The following TBL1X variants were observed in gnomAD, a reference collection of about 807,000 sequenced individuals.
The protein encoded by TBL1X is transducin beta like 1 X-linked, also known as F-box-like/WD repeat-containing protein TBL1X.
TBL1X carries 10 observed loss-of-function variants against 50.7 expected under a neutral mutation model. The observed-to-expected ratio is 0.20, with a 90% confidence interval of 0.12 to 0.33. The LOEUF (loss-of-function observed/expected upper bound fraction) is 0.33. Among genes scored for constraint, TBL1X ranks in the 10% least tolerant of loss-of-function variants. The pLI, the probability that TBL1X is intolerant of heterozygous loss-of-function variation, is 1.00. For synonymous variants in TBL1X, 190 were observed against 214.7 expected (o/e 0.88, Z 1.01); for missense variants, 340 against 504.4 (o/e 0.67, Z 3.12).
chrX:9,565,497 A>G (rs1288406279), intron 2 of TBL1X, among the ~76,000 whole-genome samples: 11 of 111,071 alleles, frequency 9.9e-5, no homozygotes, highest in African/African-American at 3.6e-4. Flanking sequence ...TCTAAACTTG[A>G]TGTATTGATT....
intron 2 of TBL1X, among the ~76,000 whole-genome samples, chrX:9,613,048 AAAAG>A (rs1369168183): frequency 1.8e-5 from 2 of 111,488 alleles, no homozygotes; most frequent in Non-Finnish European, 3.8e-5. Context: ...CCAAAAAAAA[AAAAG>A]AAAATCAAGT....
At chrX:9,693,037 C>G in intron 9 of TBL1X, 112 bp from the exon 10 acceptor site, 1 of 713,258 alleles carries the variant, frequency 1.4e-6, no homozygotes, top group Non-Finnish European at 2.2e-6. Context: ...AAAGAACACG[C>G]AGTGGCAAAT....
intron 1 of TBL1X, among the ~76,000 whole-genome samples, chrX:9,480,421 C>T (rs1393763904): frequency 8.9e-6 from 1 of 112,357 alleles, no homozygotes; most frequent in Non-Finnish European, 1.9e-5. Context: ...GTAAAGGGTT[C>T]ATCTTGTAAA....
chrX:9,695,315 A>G (rs764419848), intron 11 of TBL1X, among the ~76,000 whole-genome samples: 1 of 112,384 alleles, frequency 8.9e-6, no homozygotes, highest in East Asian at 2.8e-4. Flanking sequence ...TCAACAAATC[A>G]TTCATTCATA....
chrX:9,672,863 C>T lies in TBL1X; in HGVS notation c.212-11180C>T, dbSNP rs1037079162. Among the ~76,000 whole-genome samples, 4 of 112,744 alleles carry T rather than the reference C, an allele frequency of 3.5e-5. No homozygotes were observed. In the South Asian group the frequency reaches 1.5e-3, roughly 41 times the overall value. ...ATGTCACTCTTTGCCTTAGTCCATT[C>T]GAGCTGCTATGACAAAATACCATAA... On this transcript the variant is annotated intron_variant, in intron 5 of 17. Transcript: ENST00000645353.
At chrX:9,686,527 A>C (rs149425065) in intron 6 of TBL1X, among the ~76,000 whole-genome samples, 1 of 112,043 alleles carries the variant, frequency 8.9e-6, no homozygotes, top group Non-Finnish European at 1.9e-5. Context: ...ATGAGACCCT[A>C]TCTCTACATA....
chrX:9,536,115 C>A (rs1206833870), intron 2 of TBL1X, among the ~76,000 whole-genome samples: 2 of 111,850 alleles, frequency 1.8e-5, no homozygotes, highest in African/African-American at 3.3e-5. Flanking sequence ...CCTGTGATAA[C>A]CTCAGTACAT....
At position 9,541,892 on chromosome X, in the gene TBL1X, T is replaced by C. The variant is rs143030879; in HGVS notation, c.-131+40043T>C. Among the ~76,000 whole-genome samples, 287 of 111,008 alleles carry C rather than the reference T, an allele frequency of 2.6e-3. 2 individuals carry two copies. Among genetic ancestry groups the C allele is most frequent in the African/African-American group, 7.9e-3 (242 of 30,605 alleles). On this transcript the variant is annotated intron_variant, in intron 2 of 17. Coordinates refer to ENST00000645353, the MANE Select transcript of TBL1X (RefSeq NM_005647.4). ...TCACAAACTTCATGGTCTGGGAAAA[T>C]GTGAATTAATTGCCTGATCCACCTT...
chrX:9,696,350 T>C (rs2083131452), intron 11 of TBL1X, among the ~76,000 whole-genome samples: 1 of 112,574 alleles, frequency 8.9e-6, no homozygotes, highest in African/African-American at 3.2e-5. Flanking sequence ...CCTCTGAAAA[T>C]GTCTACAGTC....
At chrX:9,618,264 C>A (rs1265901554) in intron 2 of TBL1X, among the ~76,000 whole-genome samples, 2 of 111,753 alleles carry the variant, frequency 1.8e-5, no homozygotes, top group African/African-American at 6.5e-5. Flanking sequence ...TCAGGCCATG[C>A]CTCCTGGAAT....
chrX:9,464,680 G>A (rs1185911895), upstream of TBL1X, among the ~76,000 whole-genome samples: 2 of 111,671 alleles, frequency 1.8e-5, no homozygotes, highest in East Asian at 5.8e-4. Flanking sequence ...GCTGGGTTTG[G>A]GATGTGATGG....
rs771404927 is a variant in TBL1X, at chrX:9,688,080, G to A, written c.421G>A (p.Asp141Asn). The A allele has an allele frequency of 1.4e-5, 17 of 1,211,581 alleles. No individual in the cohort carries two copies. Among genetic ancestry groups the A allele is most frequent in the East Asian group, 3.0e-5 (1 of 33,802 alleles). The part of the protein sequence containing the change: ...SLSLIDAVMP[D>N]VVQTRQQAFR... ...GTCACTGATAGACGCCGTGATGCCC[G>A]ACGTGGTGCAGACGCGGCAGCAGGC... Residue 141 changes from aspartate (D) to asparagine (N), a missense_variant, in exon 7 of 18, where the codon GAC becomes AAC. Asp to Asn is a conservative substitution (Grantham distance 23, BLOSUM62 1). Coordinates refer to ENST00000645353, the MANE Select transcript of TBL1X (RefSeq NM_005647.4).
At chrX:9,664,566 G>C (rs1013955324) in intron 5 of TBL1X, among the ~76,000 whole-genome samples, 2 of 109,682 alleles carry the variant, frequency 1.8e-5, no homozygotes, top group African/African-American at 6.8e-5. Context: ...CATTTTTACT[G>C]GGGGAAAAAG....
intron 12 of TBL1X, among the ~76,000 whole-genome samples, chrX:9,703,133 T>A (rs2083185076): frequency 9.0e-6 from 1 of 110,979 alleles, no homozygotes; most frequent in African/African-American, 3.3e-5. Flanking sequence ...GACACGGGGC[T>A]GGTTGTGGAG....
At chrX:9,500,712 G>C (rs1266468423) in intron 1 of TBL1X, among the ~76,000 whole-genome samples, 1 of 112,422 alleles carries the variant, frequency 8.9e-6, no homozygotes, top group Non-Finnish European at 1.9e-5. Flanking sequence ...TCTTGCAAGT[G>C]CTATGAGGGA....
intron 5 of TBL1X, among the ~76,000 whole-genome samples, chrX:9,683,026 G>A (rs1178401071): frequency 9.0e-6 from 1 of 111,084 alleles, no homozygotes; most frequent in Non-Finnish European, 1.9e-5. Context: ...TCAAGCTCCT[G>A]TGCACCCTCA....
At chrX:9,569,146 A>G (rs1427997985) in intron 2 of TBL1X, among the ~76,000 whole-genome samples, 1 of 89,360 alleles carries the variant, frequency 1.1e-5, no homozygotes, top group Admixed American at 1.3e-4. Flanking sequence ...GTCTATCTGC[A>G]GTGTGCTGTG....
intron 3 of TBL1X, among the ~76,000 whole-genome samples, chrX:9,644,471 T>C (rs1318740848): frequency 9.0e-6 from 1 of 111,155 alleles, no homozygotes; most frequent in East Asian, 2.8e-4. Context: ...TCCCTGGTAG[T>C]GGCTTGCTCT....
chrX:9,588,715 G>A lies in TBL1X; in HGVS notation c.-130-51558G>A, dbSNP rs753214027. ...GCTTTCCAGGTTCAAGCATTCTCCT[G>A]CCTCAGTCTCCTGAGTAGCTGGGAT... On this transcript the variant is annotated intron_variant, in intron 2 of 17. Coordinates refer to ENST00000645353, the MANE Select transcript of TBL1X (RefSeq NM_005647.4). 2.9e-3 allele frequency among the ~76,000 whole-genome samples: 312 copies of A among 108,795 alleles called. 2 individuals carry two copies. The highest frequency in any genetic ancestry group is 0.01 in the African/African-American group (301 of 29,761). 94.5% of individuals were successfully genotyped at this position (108,795 alleles called of 115,157 possible). A position where few individuals can be genotyped will look rare whatever the true frequency, so the allele number is the denominator to read the frequency against.
Sources: allele counts gnomAD v4.1 joint callset (sites outside exome capture counted in the v4.1 genomes callset), GRCh38; gene constraint gnomAD v4.1.1; transcripts MANE v1.5; gene names NCBI Gene and HGNC (gene_info 2026-07-23, HGNC 2026-07-21).